SMC2: variants seen among roughly 807,000 people sequenced by gnomAD.
SMC2 encodes structural maintenance of chromosomes 2.
Under a neutral mutation model 142.6 loss-of-function variants are expected in SMC2, and 41 were observed. The observed-to-expected ratio is 0.29, with a 90% CI of 0.22 to 0.37. The LOEUF (loss-of-function observed/expected upper bound fraction) is 0.37, where lower values mean the gene tolerates loss of function less well. Among genes scored for constraint, SMC2 ranks in the 10% least tolerant of loss-of-function variants. The probability of loss-of-function intolerance (pLI) is 1.00; values close to 1 mark genes in which losing one functional copy is unlikely to be tolerated. For synonymous variants in SMC2, 463 were observed against 457.5 expected, an observed-to-expected ratio of 1.01 and a Z score of -0.15; for missense variants, 1,265 against 1,373.7, an observed-to-expected ratio of 0.92 and a Z score of 1.25.
intron 3 of SMC2, among the ~76,000 whole-genome samples, chr9:104,097,700 G>A (rs140736643): frequency 2.0e-5 from 3 of 152,212 alleles, no homozygotes; most frequent in African/African-American, 7.2e-5. Context: ...TTTTGTCAGA[G>A]AAGGGTCTTC....
intron 15 of SMC2, 57 bp downstream of exon 15, chr9:104,118,432 T>C (rs1402322653): frequency 7.0e-7 from 1 of 1,427,366 alleles, no homozygotes; most frequent in Non-Finnish European, 9.7e-7. Context: ...GAAGATGCCT[T>C]TTTTAAGTAC....
chr9:104,129,907 T>C (rs1026185948), intron 21 of SMC2, 62 bp downstream of exon 21: 2 of 1,223,198 alleles, frequency 1.6e-6, no homozygotes, highest in Non-Finnish European at 1.2e-6. Context: ...GACAGCTCTG[T>C]ATGACCTCTG....
intron 9 of SMC2, among the ~76,000 whole-genome samples, chr9:104,109,936 T>G (rs76433871): frequency 0.06 from 9,194 of 152,256 alleles, 745 homozygotes; most frequent in African/African-American, 0.19. Flanking sequence ...AAAGATGCAA[T>G]ATTAAATGAT....
In SMC2 at chr9:104,129,633, A is replaced by G. The variant is rs773468232; in HGVS notation, c.2791-12A>G. The G allele has an allele frequency of 8.7e-6, 14 of 1,603,914 alleles. No individual in the cohort carries two copies. Among genetic ancestry groups the G allele is most frequent in the Admixed American group, 1.7e-5 (1 of 59,936 alleles). ...ATTCATAGATCTCCCATCTATTTTT[A>G]TATGTGGCTAGGTATCCAAAATGTT... On this transcript the variant is annotated splice_polypyrimidine_tract_variant and intron_variant, in intron 20 of 24. Coordinates refer to ENST00000374793, the MANE Select transcript of SMC2 (RefSeq NM_006444.3).
intron 4 of SMC2, 119 bp downstream of exon 4, chr9:104,098,687 C>A: frequency 1.0e-6 from 1 of 998,408 alleles, no homozygotes; most frequent in Admixed American, 2.7e-5. Flanking sequence ...TACTATTGTG[C>A]TGTGTCCGGC....
chr9:104,139,971 A>G lies in SMC2; in HGVS notation c.*656A>G, dbSNP rs984068787. 2 of 151,986 alleles carry G rather than the reference A, an allele frequency of 1.3e-5. No individual in the cohort carries two copies. The highest frequency in any genetic ancestry group is 4.8e-5 in the African/African-American group (2 of 41,344). 9.4% of individuals were successfully genotyped at this position (151,986 alleles called of 1,614,324 possible). A position where few individuals can be genotyped will look rare whatever the true frequency, so the allele number is the denominator to read the frequency against. Reference sequence around the variant, plus strand: ...TGAATATCATGTTCCTATACGCTTAATAATTGGTCTCTACGACTTTAATGT... The same window carrying G: ...TGAATATCATGTTCCTATACGCTTAGTAATTGGTCTCTACGACTTTAATGT... On this transcript the variant is annotated 3_prime_UTR_variant, in exon 25 of 25. Transcript: ENST00000374793.
At chr9:104,102,774 A>C (rs987324370) in intron 9 of SMC2, among the ~76,000 whole-genome samples, 17 of 152,132 alleles carry the variant, frequency 1.1e-4, no homozygotes, top group African/African-American at 4.1e-4. Context: ...AATGATAATA[A>C]AGAAAATAAA....
At chr9:104,127,203 G>T in intron 19 of SMC2, 83 bp from the exon 20 acceptor site, 3 of 1,087,124 alleles carry the variant, frequency 2.8e-6, no homozygotes, top group Non-Finnish European at 3.9e-6. Context: ...TCTTGCCCAG[G>T]GATCTGTCAG....
chr9:104,130,463 C>G (rs1256598469), intron 21 of SMC2, among the ~76,000 whole-genome samples: 3 of 151,930 alleles, frequency 2.0e-5, no homozygotes, highest in Non-Finnish European at 2.9e-5. Flanking sequence ...ATTAATGCCC[C>G]TATTAATGCC....
chr9:104,124,152 C>T lies in SMC2; in HGVS notation c.2258-760C>T, dbSNP rs184098426. Among the ~76,000 whole-genome samples, 520 of 152,262 alleles carry T rather than the reference C, an allele frequency of 3.4e-3. 4 individuals are homozygous for T. Among genetic ancestry groups the T allele is most frequent in the African/African-American group, 0.012 (501 of 41,552 alleles). On this transcript the variant is annotated intron_variant, in intron 17 of 24. Coordinates refer to ENST00000374793, the MANE Select transcript of SMC2 (RefSeq NM_006444.3). ...CTGTCCCCAGGCTGGAGTGCAGTGG[C>T]GCAATCTCAGCTCACTGCAACCTCC...
chr9:104,089,677 GCT>G (rs1362807455), upstream of SMC2, among the ~76,000 whole-genome samples: 25 of 151,912 alleles, frequency 1.6e-4, no homozygotes, highest in African/African-American at 5.3e-4. Context: ...TTTTGAAAAA[GCT>G]CTGTCACCAG....
intron 15 of SMC2, among the ~76,000 whole-genome samples, chr9:104,119,031 A>T (rs1833436829): frequency 6.6e-6 from 1 of 152,200 alleles, no homozygotes; most frequent in Non-Finnish European, 1.5e-5. Context: ...TCTGAATCCC[A>T]GCAGTCTGAT....
chr9:104,095,029 G>A lies in SMC2; in HGVS notation c.-61-295G>A, dbSNP rs147436282. ...AGCACATTATAGGCAAAGATAATGG[G>A]ATATGTAATAATCCATAGTCTTTGT... On this transcript the variant is annotated intron_variant, in intron 1 of 24. Transcript: ENST00000374793. Among the ~76,000 whole-genome samples the A allele has an allele frequency of 9.1e-3, 1,389 of 152,298 alleles. 10 individuals carry two copies. The highest frequency in any genetic ancestry group is 0.024 in the Middle Eastern group (7 of 294).
chr9:104,117,708 A>G (rs1055013408), intron 14 of SMC2, among the ~76,000 whole-genome samples: 7 of 152,230 alleles, frequency 4.6e-5, no homozygotes, highest in African/African-American at 1.7e-4. Context: ...AAAATTCAAA[A>G]CTATGACACC....
At chr9:104,098,296 C>G in intron 3 of SMC2, 150 bp from the exon 4 acceptor site, 2 of 559,422 alleles carry the variant, frequency 3.6e-6, no homozygotes, top group South Asian at 6.2e-5. Context: ...GCGTTTTTGA[C>G]CATGTCATAC....
At chr9:104,093,646 T>C (rs73663495), upstream of SMC2, among the ~76,000 whole-genome samples, 2,268 of 152,196 alleles carry the variant, frequency 0.015, 57 homozygotes, top group African/African-American at 0.052. Context: ...GGGAGATGAA[T>C]AGCTATTTAG....
upstream of SMC2, among the ~76,000 whole-genome samples, chr9:104,091,319 T>C (rs1338687459): frequency 1.3e-5 from 2 of 152,232 alleles, no homozygotes; most frequent in African/African-American, 4.8e-5. Context: ...TAGGTAACTA[T>C]AACACAATGT....
chr9:104,133,800 C>A (rs1408281287), intron 22 of SMC2, among the ~76,000 whole-genome samples: 1 of 152,108 alleles, frequency 6.6e-6, no homozygotes, highest in East Asian at 1.9e-4. Context: ...TGGCCCTCAA[C>A]AGCTTAACCT....
At chr9:104,097,522 A>AAG (rs1554693301) in intron 3 of SMC2, among the ~76,000 whole-genome samples, 5 of 151,500 alleles carry the variant, frequency 3.3e-5, no homozygotes, top group Admixed American at 1.3e-4. Flanking sequence ...AAAAAAAAAA[A>AAG]AAAAGAAGCG....
Sources: allele counts gnomAD v4.1 joint callset (sites outside exome capture counted in the v4.1 genomes callset), GRCh38; gene constraint gnomAD v4.1.1; transcripts MANE v1.5; gene names NCBI Gene and HGNC (gene_info 2026-07-23, HGNC 2026-07-21).